The following RHOJ variants were observed in gnomAD, a reference collection of about 807,000 sequenced individuals.
RHOJ encodes the protein rho-related GTP-binding protein RhoJ.
A neutral mutation model predicts 23.4 loss-of-function variants in RHOJ; 11 were observed. That is an observed-to-expected ratio of 0.47 (90% CI 0.30 to 0.78). The LOEUF is 0.78. Ranked by LOEUF, RHOJ falls within the 30% of genes least tolerant of loss-of-function variation. RHOJ has a pLI of 0.08. For missense variants in RHOJ, 254 were observed against 273.4 expected, an observed-to-expected ratio of 0.93 and a Z score of 0.50; for synonymous variants, 102 against 102.7, an observed-to-expected ratio of 0.99 and a Z score of 0.04.
chr14:63,268,640 A>G (rs143758408), intron 1 of RHOJ, among the ~76,000 whole-genome samples: 10 of 152,340 alleles, frequency 6.6e-5, no homozygotes, highest in African/African-American at 2.2e-4. Flanking sequence ...GTGTGATAAT[A>G]TTCTTTGTTT....
chr14:63,260,152 A>T (rs1430235870), intron 1 of RHOJ, among the ~76,000 whole-genome samples: 1 of 152,208 alleles, frequency 6.6e-6, no homozygotes, highest in East Asian at 1.9e-4. Context: ...TTTATAGCTC[A>T]TATATTTCTT....
At chr14:63,243,017 A>G (rs1594762296) in intron 1 of RHOJ, among the ~76,000 whole-genome samples, 3 of 152,238 alleles carry the variant, frequency 2.0e-5, no homozygotes, top group Admixed American at 1.3e-4. Context: ...AAGGGGCATG[A>G]CAATGCATAT....
chr14:63,209,157 C>T (rs1447563121), intron 1 of RHOJ, among the ~76,000 whole-genome samples: 1 of 152,086 alleles, frequency 6.6e-6, no homozygotes. Flanking sequence ...AAGCCACCAT[C>T]ATCTCTCATC....
At chr14:63,249,987 C>G (rs1895040505) in intron 1 of RHOJ, among the ~76,000 whole-genome samples, 1 of 152,134 alleles carries the variant, frequency 6.6e-6, no homozygotes, top group African/African-American at 2.4e-5. Flanking sequence ...AAAGTTGACC[C>G]AGGATTAAAT....
At chr14:63,235,635 G>C (rs1488095881) in intron 1 of RHOJ, among the ~76,000 whole-genome samples, 1 of 152,084 alleles carries the variant, frequency 6.6e-6, no homozygotes, top group Non-Finnish European at 1.5e-5. Context: ...CAACTTTTTG[G>C]TATGTTTCAA....
At chr14:63,272,739 T>C (rs1046479786) in intron 2 of RHOJ, among the ~76,000 whole-genome samples, 1 of 152,174 alleles carries the variant, frequency 6.6e-6, no homozygotes, top group Admixed American at 6.5e-5. Flanking sequence ...AGATAGTTTA[T>C]AATGGGCTGG....
At chr14:63,239,322 G>A (rs1158488706) in intron 1 of RHOJ, among the ~76,000 whole-genome samples, 1 of 152,042 alleles carries the variant, frequency 6.6e-6, no homozygotes, top group Non-Finnish European at 1.5e-5. Flanking sequence ...ATGTTGGCCA[G>A]GCTAGTCTCG....
At chr14:63,231,174 C>A (rs1017369345) in intron 1 of RHOJ, among the ~76,000 whole-genome samples, 1 of 152,152 alleles carries the variant, frequency 6.6e-6, no homozygotes, top group African/African-American at 2.4e-5. Flanking sequence ...CATGTGTGAG[C>A]CACCGCGCCT....
At chr14:63,288,008 C>T (rs1882135579) in intron 4 of RHOJ, among the ~76,000 whole-genome samples, 1 of 152,144 alleles carries the variant, frequency 6.6e-6, no homozygotes, top group African/African-American at 2.4e-5. Flanking sequence ...GAATTCTTCT[C>T]CGACCCTCAT....
intron 4 of RHOJ, among the ~76,000 whole-genome samples, chr14:63,288,488 G>A (rs1882153505): frequency 6.6e-6 from 1 of 152,236 alleles, no homozygotes; most frequent in Non-Finnish European, 1.5e-5. Flanking sequence ...CATTCAGTTG[G>A]CAACGCTGTT....
chr14:63,241,549 C>T lies in RHOJ; in HGVS notation c.179-27561C>T, dbSNP rs777888908. On this transcript the variant is annotated intron_variant, in intron 1 of 4. Coordinates refer to ENST00000316754, the MANE Select transcript of RHOJ (RefSeq NM_020663.5). The stretch of plus-strand genomic sequence containing the variant: ...AAAGCAAGTACAAGCAAAAGACACT[C>T]GCATTAACTACCTTTATGTGCTTTC... Among the ~76,000 whole-genome samples the T allele has an allele frequency of 4.6e-5, 7 of 152,142 alleles. No individual in the cohort carries two copies. The East Asian group carries it at 9.6e-4, about 21-fold the overall frequency.
intron 2 of RHOJ, among the ~76,000 whole-genome samples, chr14:63,278,063 C>T (rs1487088337): frequency 1.3e-5 from 2 of 151,942 alleles, no homozygotes; most frequent in Admixed American, 1.3e-4. Context: ...CCCAGTATGA[C>T]CAGTGATTAT....
chr14:63,213,238 G>A (rs1288296654), intron 1 of RHOJ, among the ~76,000 whole-genome samples: 1 of 152,152 alleles, frequency 6.6e-6, no homozygotes, highest in Non-Finnish European at 1.5e-5. Flanking sequence ...TCACCCAGGT[G>A]GTGAGTACAA....
At chr14:63,213,695 A>G (rs925029017) in intron 1 of RHOJ, among the ~76,000 whole-genome samples, 5 of 152,194 alleles carry the variant, frequency 3.3e-5, no homozygotes, top group African/African-American at 4.8e-5. Flanking sequence ...TGGTCATATA[A>G]GAGACCTTGG....
At chr14:63,212,421 CCACCT>C (rs1894258440) in intron 1 of RHOJ, among the ~76,000 whole-genome samples, 1 of 152,196 alleles carries the variant, frequency 6.6e-6, no homozygotes, top group African/African-American at 2.4e-5. Flanking sequence ...CCCAGAAGGA[CCACCT>C]AGAGTTGCAT....
intron 1 of RHOJ, among the ~76,000 whole-genome samples, chr14:63,240,138 A>G (rs552941351): frequency 2.3e-4 from 35 of 152,354 alleles, no homozygotes; most frequent in African/African-American, 7.2e-4. Context: ...AAAAGGTTGG[A>G]TTTGTTTAAT....
intron 1 of RHOJ, among the ~76,000 whole-genome samples, chr14:63,220,499 A>T (rs1003863905): frequency 6.6e-6 from 1 of 152,206 alleles, no homozygotes; most frequent in Non-Finnish European, 1.5e-5. Flanking sequence ...AAAAAACAAC[A>T]ACCAACCAAC....
At chr14:63,222,163 T>C (rs12890329) in intron 1 of RHOJ, among the ~76,000 whole-genome samples, 125,738 of 151,908 alleles carry the variant, frequency 0.83, 53,142 homozygotes, top group Middle Eastern at 0.96. Flanking sequence ...CTCATCCTTA[T>C]TTATGGCTGC....
At chr14:63,221,872 G>A (rs185090722) in intron 1 of RHOJ, among the ~76,000 whole-genome samples, 5 of 152,058 alleles carry the variant, frequency 3.3e-5, no homozygotes, top group East Asian at 1.9e-4. Context: ...TGCGCACAAC[G>A]TGCAGGTTTG....
Sources: allele counts gnomAD v4.1 joint callset (sites outside exome capture counted in the v4.1 genomes callset), GRCh38; gene constraint gnomAD v4.1.1; transcripts MANE v1.5; gene names NCBI Gene and HGNC (gene_info 2026-07-23, HGNC 2026-07-21).